UPF1: variants seen among roughly 807,000 people sequenced by gnomAD.
UPF1 encodes UPF1 RNA helicase and ATPase, also known as regulator of nonsense transcripts 1.
Under a neutral mutation model 129.2 loss-of-function variants are expected in UPF1, and 9 were observed. The ratio of observed to expected loss-of-function variants is 0.07; its 90% confidence interval spans 0.04 to 0.12. The LOEUF is 0.12. Ranked by LOEUF, UPF1 falls within the 10% of genes least tolerant of loss-of-function variation. The probability of loss-of-function intolerance (pLI) is 1.00; values close to 1 mark genes in which losing one functional copy is unlikely to be tolerated. For synonymous variants in UPF1, 649 were observed against 644.9 expected (o/e 1.01, Z -0.10); for missense variants, 788 against 1,525.3 (o/e 0.52, Z 8.05).
At chr19:18,864,317 T>C in intron 20 of UPF1, 66 bp downstream of exon 20, 1 of 1,453,070 alleles carries the variant, frequency 6.9e-7, no homozygotes, top group Non-Finnish European at 9.6e-7. Context: ...GCCGTTCCCA[T>C]GGCTGCAGCT....
At position 18,866,842 on chromosome 19, in the gene UPF1, G is replaced by T. The variant is rs1004407316; in HGVS notation, c.*325G>T. 2.0e-5 allele frequency: 3 copies of T among 152,572 alleles called. No individual in the cohort carries two copies. Among genetic ancestry groups the T allele is most frequent in the African/African-American group, 7.2e-5 (3 of 41,446 alleles). The allele number at this position is 152,572 out of a possible 1,614,324, so 9.5% of individuals were successfully genotyped here. On this transcript the variant is annotated 3_prime_UTR_variant, in exon 24 of 24. Coordinates refer to ENST00000262803, the MANE Select transcript of UPF1 (RefSeq NM_002911.4). ...TCATCTCAGAGTAGCCCTTTCCTCT[G>T]TTCTTTTATTTCTTTTTCTCTTTGA...
At chr19:18,864,280 A>G (rs768122254) in intron 20 of UPF1, 29 bp downstream of exon 20, 2 of 1,588,748 alleles carry the variant, frequency 1.3e-6, no homozygotes, top group Non-Finnish European at 1.7e-6. Context: ...GACCTGGCCG[A>G]CCCCTTGTCC....
intron 15 of UPF1, 101 bp downstream of exon 15, chr19:18,857,634 G>T: frequency 7.6e-7 from 1 of 1,314,276 alleles, no homozygotes; most frequent in South Asian, 1.5e-5. Flanking sequence ...CCCCTGAGCG[G>T]CTTCACATAG....
At position 18,832,062 on chromosome 19, in the gene UPF1, C is replaced by A; in HGVS notation, c.-148C>A. 1.4e-6 allele frequency: 1 copy of A among 696,762 alleles called. No individual in the cohort carries two copies. The highest frequency in any genetic ancestry group is 2.0e-6 in the Non-Finnish European group (1 of 497,644). The allele number at this position is 696,762 out of a possible 1,614,324, so 43.2% of individuals were successfully genotyped here. ...GGCTCGGCACTGTTACCTCTCGGTCCGGCTGGCGCCGGGGCGCGCGGTTTG... is the reference window on the plus strand; with the variant it reads ...GGCTCGGCACTGTTACCTCTCGGTCAGGCTGGCGCCGGGGCGCGCGGTTTG... On this transcript the variant is annotated 5_prime_UTR_variant, in exon 1 of 24. Coordinates refer to ENST00000262803, the MANE Select transcript of UPF1 (RefSeq NM_002911.4). The surrounding 1 kb of genome is among the most constrained non-coding windows in gnomAD (Gnocchi z 5.6).
chr19:18,844,301 G>A (rs924635951), intron 1 of UPF1, among the ~76,000 whole-genome samples: 2 of 148,580 alleles, frequency 1.3e-5, no homozygotes, highest in African/African-American at 5.0e-5. Flanking sequence ...TTGGGGGCCG[G>A]GGGGGGGTTT....
At chr19:18,862,693 G>A (rs182658297) in intron 18 of UPF1, among the ~76,000 whole-genome samples, 6 of 152,298 alleles carry the variant, frequency 3.9e-5, no homozygotes, top group Admixed American at 1.3e-4. Context: ...TGAGCCGGGC[G>A]TGGTGGCACA....
rs1298772114 is a variant in UPF1 at position 18,865,867 on chromosome 19, C to T, written c.3237+89C>T. The T allele has an allele frequency of 5.1e-6, 8 of 1,581,554 alleles. No homozygotes were observed. The Admixed American group carries it at 1.4e-4, about 27-fold the overall frequency. On this transcript the variant is annotated intron_variant, in intron 22 of 23. Coordinates refer to ENST00000262803, the MANE Select transcript of UPF1 (RefSeq NM_002911.4). The surrounding 1 kb of genome is among the most constrained non-coding windows in gnomAD (Gnocchi z 6.1). ...CCTCTGAAGAGCCCCAGAGAGCTGG[C>T]CTGGCCCATGTCCACTGTCTGAATT... is the stretch of plus-strand genomic sequence containing the variant.
At chr19:18,839,836 A>G (rs2238653) in intron 1 of UPF1, among the ~76,000 whole-genome samples, 48,749 of 152,178 alleles carry the variant, frequency 0.32, 9,534 homozygotes, top group Middle Eastern at 0.5. Flanking sequence ...AAGACAGCAC[A>G]TGCCGCCTGG....
In UPF1 at chr19:18,850,796, C is replaced by T; in HGVS notation, c.738C>T (p.Pro246=). Residue 246 remains proline (P), a synonymous_variant, in exon 5 of 24, where the codon CCC becomes CCT. Transcript: ENST00000262803. This position sits in a 1 kb window ranked among gnomAD's most constrained non-coding sequence, Gnocchi z 7.1. ...TCCTGTCCTGGCTGGTCAAGATCCC[C>T]TCCGAGCAGGAGCAGCTGCGGGCAC... ...RCFLSWLVKI[P]SEQEQLRARQ... is the part of the protein sequence containing the mutation. 1.2e-6 allele frequency: 2 copies of T among 1,610,730 alleles called. No homozygotes were observed. The highest frequency in any genetic ancestry group is 1.7e-6 in the Non-Finnish European group (2 of 1,178,876).
At chr19:18,843,890 T>C (rs1250576280) in intron 1 of UPF1, among the ~76,000 whole-genome samples, 1 of 152,026 alleles carries the variant, frequency 6.6e-6, no homozygotes, top group Non-Finnish European at 1.5e-5. Flanking sequence ...GGACTACAAG[T>C]GTGCGCCACC....
At chr19:18,842,987 CAA>C (rs957431963) in intron 1 of UPF1, among the ~76,000 whole-genome samples, 2 of 139,016 alleles carry the variant, frequency 1.4e-5, no homozygotes, top group African/African-American at 2.6e-5. Flanking sequence ...AACTCCGTCT[CAA>C]AAAAAAAAAA....
Position 18,846,069 on chromosome 19 carries a change from A to C in UPF1, c.321A>C (p.Glu107Asp). Residue 107 changes from glutamate (E) to aspartate (D), a missense_variant, in exon 2 of 24, where the codon GAA becomes GAC. Glu to Asp is a conservative substitution (Grantham distance 45). Transcript: ENST00000262803. ...SQLLAELNFE[E>D]DEEDTYYTKD... Reference sequence around the variant, plus strand: ...TGTTGGCTGAGTTGAACTTCGAGGAAGATGAAGAAGACACCTATTACACGA... The same window carrying C: ...TGTTGGCTGAGTTGAACTTCGAGGACGATGAAGAAGACACCTATTACACGA... The C allele has an allele frequency of 6.2e-7, 1 of 1,614,182 alleles. No individual in the cohort carries two copies. Among genetic ancestry groups the C allele is most frequent in the Non-Finnish European group, 8.5e-7 (1 of 1,180,026 alleles).
chr19:18,840,301 C>T (rs951001380), intron 1 of UPF1, among the ~76,000 whole-genome samples: 5 of 152,186 alleles, frequency 3.3e-5, no homozygotes, highest in Admixed American at 1.3e-4. Flanking sequence ...GCTGCCCCCT[C>T]CCAGTCCTCA....
rs1319834995 is a variant in UPF1 at position 18,867,086 on chromosome 19, T to A, written c.*569T>A. 1 of 152,630 alleles carries A rather than the reference T, an allele frequency of 6.6e-6. No homozygotes were observed. The highest frequency in any genetic ancestry group is 2.4e-5 in the African/African-American group (1 of 41,464). The allele number at this position is 152,630 out of a possible 1,614,324, so 9.5% of individuals were successfully genotyped here. On this transcript the variant is annotated 3_prime_UTR_variant, in exon 24 of 24. Transcript: ENST00000262803. ...TTTTTCTCTTTGTTTTTTTCAAGAT[T>A]CTTTTAAAGGAGTACTGAAGAATAC...
At chr19:18,837,011 T>G (rs2055490758) in intron 1 of UPF1, among the ~76,000 whole-genome samples, 1 of 152,012 alleles carries the variant, frequency 6.6e-6, no homozygotes, top group Non-Finnish European at 1.5e-5. Context: ...CTCTACCTCC[T>G]AAAGTGCTGG....
At chr19:18,852,031 G>C in intron 5 of UPF1, 104 bp from the exon 6 acceptor site, 1 of 1,426,212 alleles carries the variant, frequency 7.0e-7, no homozygotes, top group Non-Finnish European at 9.2e-7. Context: ...GGCCCATTCT[G>C]AGAAGCGGCA....
At position 18,846,129 on chromosome 19, in the gene UPF1, G is replaced by A. The variant is rs772077573; in HGVS notation, c.371+10G>A. 1 of 1,613,768 alleles carries A rather than the reference G, an allele frequency of 6.2e-7. No homozygotes were observed. The highest frequency in any genetic ancestry group is 8.5e-7 in the Non-Finnish European group (1 of 1,179,894). The stretch of plus-strand genomic sequence containing the variant: ...CCATACACGCCTGCAGGTGAGCTGA[G>A]CTCAGCTGGGCCTGGGCATGTGCTG... On this transcript the variant is annotated intron_variant, in intron 2 of 23. Coordinates refer to ENST00000262803, the MANE Select transcript of UPF1 (RefSeq NM_002911.4).
chr19:18,855,087 A>G, intron 10 of UPF1, 37 bp from the exon 11 acceptor site: 2 of 1,613,320 alleles, frequency 1.2e-6, no homozygotes, highest in Admixed American at 1.7e-5. Flanking sequence ...GCCGGGACGC[A>G]AGCGGAGGCT....
At chr19:18,838,788 C>T (rs113225213) in intron 1 of UPF1, among the ~76,000 whole-genome samples, 3 of 152,288 alleles carry the variant, frequency 2.0e-5, no homozygotes, top group African/African-American at 7.2e-5. Flanking sequence ...TCAGCACTTA[C>T]CCCTTAGTAG....
Sources: allele counts gnomAD v4.1 joint callset (sites outside exome capture counted in the v4.1 genomes callset), GRCh38; gene constraint gnomAD v4.1.1; non-coding constraint Gnocchi (gnomAD v3.1); transcripts MANE v1.5; gene names NCBI Gene and HGNC (gene_info 2026-07-23, HGNC 2026-07-21).